RBFOX1: variants seen among roughly 807,000 people sequenced by gnomAD.
RBFOX1 encodes the protein RNA binding fox-1 homolog 1, also known as RNA binding protein fox-1 homolog 1.
RBFOX1 carries 8 observed loss-of-function variants against 57.7 expected under a neutral mutation model. The ratio of observed to expected loss-of-function variants is 0.14; its 90% CI spans 0.08 to 0.25. RBFOX1 has a LOEUF of 0.25. Ranked by LOEUF, RBFOX1 falls within the 10% of genes least tolerant of loss-of-function variation. The pLI, the probability that RBFOX1 is intolerant of heterozygous loss-of-function variation, is 1.00. For synonymous variants in RBFOX1, 326 were observed against 222.4 expected (o/e 1.47, Z -4.15); for missense variants, 611 against 548.5 (o/e 1.11, Z -1.14).
intron 2 of RBFOX1, among the ~76,000 whole-genome samples, chr16:6,551,782 C>A (rs1010920317): frequency 6.6e-6 from 1 of 152,178 alleles, no homozygotes; most frequent in African/African-American, 2.4e-5. Context: ...CCTTTTCCAA[C>A]CGGGACGTCA....
intron 3 of RBFOX1, among the ~76,000 whole-genome samples, chr16:6,761,227 G>T (rs2076551800): frequency 6.6e-6 from 1 of 152,096 alleles, no homozygotes; most frequent in Admixed American, 6.6e-5. Flanking sequence ...TGAAGCCCAG[G>T]TAATTGGGGG....
At chr16:5,744,528 T>A (rs1357334351) in intron 3 of RBFOX1, among the ~76,000 whole-genome samples, 1 of 152,162 alleles carries the variant, frequency 6.6e-6, no homozygotes, top group African/African-American at 2.4e-5. Flanking sequence ...CCACCTTCAG[T>A]GGCTTTGCAC....
intron 5 of RBFOX1, among the ~76,000 whole-genome samples, chr16:7,567,433 CTA>C (rs555713484): frequency 1.5e-5 from 2 of 132,014 alleles, no homozygotes; most frequent in Non-Finnish European, 1.6e-5. Context: ...ATGTATGGCC[CTA>C]TATATATATA....
At chr16:6,901,348 G>C (rs547220897) in intron 3 of RBFOX1, among the ~76,000 whole-genome samples, 1 of 152,164 alleles carries the variant, frequency 6.6e-6, no homozygotes, top group Non-Finnish European at 1.5e-5. Flanking sequence ...ACCTGGAAAT[G>C]TCCCACCTAG....
intron 3 of RBFOX1, among the ~76,000 whole-genome samples, chr16:6,816,954 C>T (rs2090214050): frequency 1.3e-5 from 2 of 151,888 alleles, no homozygotes; most frequent in African/African-American, 2.4e-5. Context: ...AACTGAGTTG[C>T]CCAGGGTGGT....
chr16:5,755,310 C>T (rs1026743680), intron 3 of RBFOX1, among the ~76,000 whole-genome samples: 29 of 151,886 alleles, frequency 1.9e-4, no homozygotes, highest in African/African-American at 7.0e-4. Context: ...CTACTTCTTT[C>T]TACACAGACA....
At chr16:5,586,286 CAGTT>C (rs1384389932) in intron 2 of RBFOX1, among the ~76,000 whole-genome samples, 2 of 152,138 alleles carry the variant, frequency 1.3e-5, no homozygotes, top group Non-Finnish European at 2.9e-5. Flanking sequence ...TTAGACCACT[CAGTT>C]GGTGGCAATT....
chr16:5,770,170 C>T (rs912363176), intron 3 of RBFOX1, among the ~76,000 whole-genome samples: 1 of 152,022 alleles, frequency 6.6e-6, no homozygotes, highest in Non-Finnish European at 1.5e-5. Flanking sequence ...GAGAACCTCT[C>T]ATGTTGGACC....
intron 2 of RBFOX1, among the ~76,000 whole-genome samples, chr16:5,495,834 A>G (rs2042983944): frequency 6.6e-6 from 1 of 152,170 alleles, no homozygotes; most frequent in Non-Finnish European, 1.5e-5. Flanking sequence ...GGCTAAAGAA[A>G]CCCATTAAGG....
At chr16:7,100,562 G>GTTT (rs1454100595) in intron 4 of RBFOX1, among the ~76,000 whole-genome samples, 6 of 108,764 alleles carry the variant, frequency 5.5e-5, no homozygotes, top group African/African-American at 1.4e-4. Context: ...GTTTTTAAAG[G>GTTT]TTGTTTTTTT....
chr16:7,309,293 C>T (rs879927946), intron 4 of RBFOX1, among the ~76,000 whole-genome samples: 3 of 152,242 alleles, frequency 2.0e-5, no homozygotes, highest in Non-Finnish European at 4.4e-5. Context: ...GTCATCTGTG[C>T]TTCCCCCCTT....
At chr16:6,678,112 AGTTTTGTTTT>A (rs1171654623) in intron 3 of RBFOX1, among the ~76,000 whole-genome samples, 1 of 152,110 alleles carries the variant, frequency 6.6e-6, no homozygotes, top group East Asian at 1.9e-4. Context: ...TTAAATTAAA[AGTTTTGTTTT>A]GTTTTGTTGT....
At chr16:7,099,698 G>A (rs1422875381) in intron 4 of RBFOX1, among the ~76,000 whole-genome samples, 1 of 152,064 alleles carries the variant, frequency 6.6e-6, no homozygotes, top group Non-Finnish European at 1.5e-5. Flanking sequence ...ATTTGCATTG[G>A]TTCTACCTGG....
At chr16:5,389,476 C>G (rs2066345275) in intron 1 of RBFOX1, among the ~76,000 whole-genome samples, 1 of 152,076 alleles carries the variant, frequency 6.6e-6, no homozygotes, top group Non-Finnish European at 1.5e-5. Context: ...CCCCAAATGT[C>G]TCCAGACATC....
intron 4 of RBFOX1, among the ~76,000 whole-genome samples, chr16:7,467,568 T>C (rs1019809125): frequency 1.3e-5 from 2 of 152,208 alleles, no homozygotes; most frequent in Non-Finnish European, 2.9e-5. Flanking sequence ...AAATCCCAGC[T>C]CTGTCATTTA....
chr16:5,375,381 G>T (rs1289633187), intron 1 of RBFOX1, among the ~76,000 whole-genome samples: 1 of 152,196 alleles, frequency 6.6e-6, no homozygotes, highest in Non-Finnish European at 1.5e-5. Flanking sequence ...CAGCCAAGGG[G>T]CATGGAGACT....
chr16:6,965,023 G>T (rs76141794), intron 3 of RBFOX1, among the ~76,000 whole-genome samples: 2,204 of 152,240 alleles, frequency 0.014, 55 homozygotes, highest in African/African-American at 0.051. Flanking sequence ...TATGATTGTT[G>T]CTTTATTATC....
chr16:5,994,416 C>T (rs1425855326), intron 4 of RBFOX1, among the ~76,000 whole-genome samples: 1 of 152,226 alleles, frequency 6.6e-6, no homozygotes. Context: ...CCTGCTTTGG[C>T]TTCCCAAAGT....
At chr16:7,178,373 A>C (rs2082072698) in intron 4 of RBFOX1, among the ~76,000 whole-genome samples, 1 of 152,240 alleles carries the variant, frequency 6.6e-6, no homozygotes, top group African/African-American at 2.4e-5. Context: ...CAATTTGGGC[A>C]TAGCTACTTG....
Sources: allele counts gnomAD v4.1 joint callset (sites outside exome capture counted in the v4.1 genomes callset), GRCh38; gene constraint gnomAD v4.1.1; transcripts MANE v1.5; gene names NCBI Gene and HGNC (gene_info 2026-07-23, HGNC 2026-07-21).